The following TLN2 variants were observed in gnomAD, a reference collection of about 807,000 sequenced individuals.
TLN2 encodes the protein talin-2.
A neutral mutation model predicts 294.7 loss-of-function variants in TLN2; 118 were observed. The ratio of observed to expected loss-of-function variants is 0.40; its 90% CI spans 0.34 to 0.47. The LOEUF is 0.47. Ranked by LOEUF, TLN2 falls within the 20% of genes least tolerant of loss-of-function variation. The probability of loss-of-function intolerance (pLI) is 0.84; values close to 1 mark genes in which losing one functional copy is unlikely to be tolerated. For synonymous variants in TLN2, 1,431 were observed against 1,304.5 expected (o/e 1.10, Z -2.09); for missense variants, 3,083 against 3,282.2 (o/e 0.94, Z 1.48).
chr15:62,699,169 A>T (rs7168977), intron 16 of TLN2, among the ~76,000 whole-genome samples: 143,049 of 152,164 alleles, frequency 0.94, 67,784 homozygotes, highest in Non-Finnish European at 1. Context: ...TTGCCTTCTC[A>T]ATTCCTCCAC....
intron 1 of TLN2, among the ~76,000 whole-genome samples, chr15:62,411,972 C>CAAA (rs1275292689): frequency 6.6e-6 from 1 of 152,144 alleles, no homozygotes; most frequent in Non-Finnish European, 1.5e-5. Context: ...AGTACTAACT[C>CAAA]AAAGTAAATT....
At chr15:62,620,245 A>G (rs78748485) in intron 3 of TLN2, among the ~76,000 whole-genome samples, 6,783 of 152,184 alleles carry the variant, frequency 0.045, 543 homozygotes, top group African/African-American at 0.16. Flanking sequence ...TTAAACTGCA[A>G]TGTTTATAAT....
intron 31 of TLN2, among the ~76,000 whole-genome samples, chr15:62,740,112 C>G (rs2061244227): frequency 6.9e-6 from 1 of 145,818 alleles, no homozygotes. Context: ...GTATCTTCTT[C>G]TAGTATCTAC....
intron 1 of TLN2, among the ~76,000 whole-genome samples, chr15:62,503,907 A>G (rs1027889655): frequency 1.3e-5 from 2 of 152,076 alleles, no homozygotes; most frequent in African/African-American, 4.8e-5. Context: ...GTTTTCAGTG[A>G]ACTGTACAGT....
intron 24 of TLN2, among the ~76,000 whole-genome samples, chr15:62,719,135 CAG>C: frequency 6.6e-6 from 1 of 152,310 alleles, no homozygotes; most frequent in East Asian, 1.9e-4. Context: ...GGACAGAACA[CAG>C]AGAAAGTAAA....
chr15:62,500,988 C>T (rs2039275935), intron 1 of TLN2, among the ~76,000 whole-genome samples: 1 of 152,214 alleles, frequency 6.6e-6, no homozygotes, highest in South Asian at 2.1e-4. Context: ...GAAGTCCCGC[C>T]AGGGCACTTC....
chr15:62,694,268 C>G, intron 13 of TLN2, 48 bp from the exon 14 acceptor site: 2 of 1,580,570 alleles, frequency 1.3e-6, no homozygotes, highest in Non-Finnish European at 1.7e-6. Flanking sequence ...TGAGCCACCG[C>G]GCGTGGCCTG....
intron 1 of TLN2, among the ~76,000 whole-genome samples, chr15:62,391,565 C>T (rs1208431785): frequency 6.6e-6 from 1 of 152,178 alleles, no homozygotes; most frequent in Admixed American, 6.5e-5. Flanking sequence ...GGGGAGGGGG[C>T]GAGCAGTTTC....
intron 1 of TLN2, among the ~76,000 whole-genome samples, chr15:62,544,144 G>C (rs1257659432): frequency 2.0e-5 from 3 of 152,186 alleles, no homozygotes; most frequent in Non-Finnish European, 4.4e-5. Flanking sequence ...ATTTGAGCCT[G>C]CTCTTCATGT....
intron 21 of TLN2, among the ~76,000 whole-genome samples, chr15:62,710,571 A>G (rs1019729303): frequency 9.8e-5 from 15 of 152,306 alleles, no homozygotes; most frequent in Middle Eastern, 3.4e-3. Context: ...GAGAGTTCCC[A>G]TATACCTTTC....
Position 62,739,605 on chromosome 15 carries a change from C to T in TLN2, c.3885+60C>T, listed in dbSNP as rs2061208675. ...AGCCTCTCCTCTCGGATGGATAATC[C>T]ATCCTTGAGACTGACTGAACAAATA... On this transcript the variant is annotated intron_variant, in intron 31 of 58. Transcript: ENST00000636159. The T allele has an allele frequency of 3.8e-6, 6 of 1,584,580 alleles. No individual in the cohort carries two copies. In the Admixed American group the frequency reaches 5.1e-5, roughly 13 times the overall value.
intron 42 of TLN2, among the ~76,000 whole-genome samples, chr15:62,775,869 A>G (rs1185354456): frequency 6.6e-6 from 1 of 152,222 alleles, no homozygotes; most frequent in East Asian, 1.9e-4. Context: ...CGAGGGCATG[A>G]TTTCCTCCTA....
In TLN2 at chr15:62,657,854, A is replaced by G. The variant is rs749995985; in HGVS notation, c.744A>G (p.Gln248=). ...CEFGGFQAQI[Q]FGPHVEHKHK... is the part of the protein sequence containing the mutation. ...TTGGTGGATTTCAAGCCCAGATACA[A>G]TTTGGACCTCATGTGGAACATAAAC... is the stretch of plus-strand genomic sequence containing the variant. The change falls in exon 9 of 59, where the codon CAA becomes CAG. Residue 248 remains glutamine, a synonymous_variant. Transcript: ENST00000636159. 16 of 1,613,978 alleles carry G rather than the reference A, an allele frequency of 9.9e-6. No homozygotes were observed. In the South Asian group the frequency reaches 1.8e-4, roughly 18 times the overall value.
intron 54 of TLN2, among the ~76,000 whole-genome samples, chr15:62,827,144 A>G (rs1160201861): frequency 2.0e-5 from 3 of 152,132 alleles, no homozygotes; most frequent in Admixed American, 2.0e-4. Flanking sequence ...TTCACCTTCA[A>G]GTTCATTGGC....
chr15:62,743,065 C>A (rs918612044), intron 32 of TLN2, among the ~76,000 whole-genome samples: 3 of 152,098 alleles, frequency 2.0e-5, no homozygotes, highest in African/African-American at 7.2e-5. Context: ...GTATTTATAA[C>A]CCTCATTATG....
At chr15:62,766,446 G>A (rs2063011952) in intron 41 of TLN2, 24 bp downstream of exon 41, 1 of 1,583,672 alleles carries the variant, frequency 6.3e-7, no homozygotes, top group East Asian at 2.3e-5. Context: ...AGGGGATCCT[G>A]CGAGGGTGTG....
At position 62,487,369 on chromosome 15, in the gene TLN2, G is replaced by C. The variant is rs188160198; in HGVS notation, c.-238+96684G>C. On this transcript the variant is annotated intron_variant, in intron 1 of 58. Transcript: ENST00000636159. ...CCATGTAGGAAAGGTATGCTTCTTA[G>C]AGCTCTGGATGTTTTTAGTTTGATT... Among the ~76,000 whole-genome samples, 24 of 152,336 alleles carry C rather than the reference G, an allele frequency of 1.6e-4. No homozygotes were observed. The East Asian group carries it at 2.7e-3, about 17-fold the overall frequency.
chr15:62,605,027 T>G (rs1014330102), intron 2 of TLN2, among the ~76,000 whole-genome samples: 10 of 152,182 alleles, frequency 6.6e-5, no homozygotes, highest in African/African-American at 2.4e-4. Flanking sequence ...GAAAAAACAG[T>G]ATTTTGTTTG....
chr15:62,642,845 G>T (rs1297958548), intron 3 of TLN2, among the ~76,000 whole-genome samples: 2 of 151,978 alleles, frequency 1.3e-5, no homozygotes, highest in Admixed American at 6.6e-5. Flanking sequence ...GGGATTACAG[G>T]TGCCCACCAC....
Sources: gnomAD v4.1 joint callset for allele counts (sites outside exome capture counted in the v4.1 genomes callset) on GRCh38, gnomAD v4.1.1 for gene constraint, MANE v1.5 for transcripts, NCBI Gene and HGNC (gene_info 2026-07-23, HGNC 2026-07-21) for gene names.